Variants in ADAR observed in about 807,000 individuals in gnomAD.
ADAR encodes double-stranded RNA-specific adenosine deaminase.
ADAR carries 41 observed loss-of-function variants against 113.2 expected under a neutral mutation model. The ratio of observed to expected loss-of-function variants is 0.36; its 90% CI spans 0.28 to 0.47. The LOEUF (loss-of-function observed/expected upper bound fraction) is 0.47, where lower values mean the gene tolerates loss of function less well. Ranked by LOEUF, ADAR falls within the 20% of genes least tolerant of loss-of-function variation. ADAR has a pLI of 1.00. For synonymous variants in ADAR, 605 were observed against 572.6 expected (o/e 1.06, Z -0.81); for missense variants, 1,242 against 1,540.9 (o/e 0.81, Z 3.25).
At chr1:154,597,301 A>G (rs1308792300) in intron 4 of ADAR, 34 bp from the exon 5 acceptor site, 2 of 1,613,688 alleles carry the variant, frequency 1.2e-6, no homozygotes, top group South Asian at 1.1e-5. Flanking sequence ...AAGGATTAAA[A>G]TGGTTTTGAC....
chr1:154,584,760 C>T lies in ADAR; in HGVS notation c.*46G>A, dbSNP rs536382133. The stretch of plus-strand genomic sequence containing the variant: ...GAGGAATGCTACGACCTACCTCTCT[C>T]ACACCCTAGTATGACACACCCTAAT... On this transcript the variant is annotated 3_prime_UTR_variant, in exon 15 of 15. Transcript: ENST00000368474. The T allele has an allele frequency of 9.3e-6, 14 of 1,509,228 alleles. No individual in the cohort carries two copies. In the Admixed American group the frequency reaches 2.3e-4, roughly 25 times the overall value. The allele number at this position is 1,509,228 out of a possible 1,614,324, so 93.5% of individuals were successfully genotyped here.
intron 1 of ADAR, among the ~76,000 whole-genome samples, chr1:154,622,162 A>C (rs902064322): frequency 6.6e-6 from 1 of 151,982 alleles, no homozygotes; most frequent in African/African-American, 2.4e-5. Context: ...CTGATTCCCC[A>C]CCTGGCTCTG....
At position 154,601,012 on chromosome 1, in the gene ADAR, C is replaced by T; in HGVS notation, c.1601+29G>A. 6.2e-7 allele frequency: 1 copy of T among 1,613,716 alleles called. No homozygotes were observed. The highest frequency in any genetic ancestry group is 1.1e-5 in the South Asian group (1 of 91,040). ...GGAGCAAAAGCACCTGACCCCAACC[C>T]TAGGTACAGTTCCTGGGTGGTCTCT... On this transcript the variant is annotated intron_variant, in intron 2 of 14. Transcript: ENST00000368474. This position sits in a 1 kb window ranked among gnomAD's most constrained non-coding sequence, Gnocchi z 4.7.
At chr1:154,587,621 G>T (rs1471550700) in intron 11 of ADAR, among the ~76,000 whole-genome samples, 2 of 152,166 alleles carry the variant, frequency 1.3e-5, no homozygotes. Context: ...CAATGGAGTG[G>T]ATGCGAAGAG....
At chr1:154,616,674 G>A (rs183378930) in intron 1 of ADAR, among the ~76,000 whole-genome samples, 4 of 152,176 alleles carry the variant, frequency 2.6e-5, no homozygotes, top group African/African-American at 9.6e-5. Context: ...CTTACTACAA[G>A]TTCCAAGAAG....
At chr1:154,604,630 GT>G (rs1557892276) in intron 1 of ADAR, among the ~76,000 whole-genome samples, 1 of 152,130 alleles carries the variant, frequency 6.6e-6, no homozygotes, top group Non-Finnish European at 1.5e-5. Context: ...TCCTCCCAGG[GT>G]TTGGTGACAC....
At chr1:154,596,398 G>A (rs1288010303) in intron 6 of ADAR, among the ~76,000 whole-genome samples, 3 of 151,932 alleles carry the variant, frequency 2.0e-5, no homozygotes, top group Admixed American at 6.6e-5. Flanking sequence ...CCGCTGCCAC[G>A]CCCAGCTAAT....
At chr1:154,609,467 T>G (rs1698407247), upstream of ADAR, among the ~76,000 whole-genome samples, 1 of 152,212 alleles carries the variant, frequency 6.6e-6, no homozygotes, top group African/African-American at 2.4e-5. Context: ...TGTTAGTCAC[T>G]CCAAATTAAC....
chr1:154,585,992 G>T, intron 12 of ADAR, 127 bp from the exon 13 acceptor site: 1 of 1,177,200 alleles, frequency 8.5e-7, no homozygotes, highest in Non-Finnish European at 1.2e-6. Flanking sequence ...TGCCTTGTTA[G>T]GAAGCACCTT....
chr1:154,607,955 CA>C, intron 1 of ADAR, 36 bp downstream of exon 1: 1 of 1,611,402 alleles, frequency 6.2e-7, no homozygotes. Flanking sequence ...TAAACGAACC[CA>C]GACGGCGGCG....
rs1328585827 is a variant in ADAR at position 154,602,526 on chromosome 1, A to C, written c.116T>G (p.Phe39Cys). The change falls in exon 2 of 15, where the codon TTC becomes TGC. Residue 39 changes from phenylalanine (F) to cysteine (C), a missense_variant. Phe to Cys is a radical substitution (Grantham distance 205, BLOSUM62 -2). Transcript: ENST00000368474. ...GAGAAATTCTATTTGCTTAAGCAGG[A>C]AACTACTGGGGGAAGATCCTGGCCC... ...QPGPGSSPSS[F>C]LLKQIEFLKG... is the part of the protein sequence containing the mutation. 4.3e-6 allele frequency: 7 copies of C among 1,614,210 alleles called. No homozygotes were observed. The East Asian group carries it at 1.6e-4, about 36-fold the overall frequency.
At chr1:154,588,513 G>A (rs759815056) in intron 10 of ADAR, 38 bp downstream of exon 10, 1 of 1,611,498 alleles carries the variant, frequency 6.2e-7, no homozygotes, top group Non-Finnish European at 8.5e-7. Flanking sequence ...TAACAGCCTG[G>A]CAGGGCCCAC....
chr1:154,610,453 A>G (rs1258607057), upstream of ADAR, among the ~76,000 whole-genome samples: 2 of 152,194 alleles, frequency 1.3e-5, no homozygotes, highest in Non-Finnish European at 2.9e-5. Flanking sequence ...TATGTATACT[A>G]TATGATCCCA....
chr1:154,605,259 C>G (rs776420930), intron 1 of ADAR, among the ~76,000 whole-genome samples: 47 of 152,146 alleles, frequency 3.1e-4, no homozygotes, highest in African/African-American at 1.1e-3. Context: ...TGGCACATCT[C>G]CCTCCACAGC....
At chr1:154,591,740 G>A (rs1177937522) in intron 6 of ADAR, among the ~76,000 whole-genome samples, 1 of 152,220 alleles carries the variant, frequency 6.6e-6, no homozygotes, top group African/African-American at 2.4e-5. Flanking sequence ...TAGCAGCTCA[G>A]GCAGTAAAAG....
upstream of ADAR, among the ~76,000 whole-genome samples, chr1:154,609,051 C>T (rs1349207227): frequency 2.0e-5 from 3 of 152,168 alleles, no homozygotes; most frequent in African/African-American, 4.8e-5. Flanking sequence ...TGTATTATCT[C>T]CCTTAATCTT....
chr1:154,606,436 T>C (rs1224349017), intron 1 of ADAR, among the ~76,000 whole-genome samples: 2 of 152,162 alleles, frequency 1.3e-5, no homozygotes, highest in Non-Finnish European at 2.9e-5. Context: ...TGTAGAATAG[T>C]ATGTACATTA....
chr1:154,607,954 C>T (rs533340436), intron 1 of ADAR, 38 bp downstream of exon 1: 3 of 1,611,354 alleles, frequency 1.9e-6, no homozygotes, highest in East Asian at 2.2e-5. Context: ...GTAAACGAAC[C>T]CAGACGGCGG....
At chr1:154,585,163 C>T (rs1302292630) in intron 14 of ADAR, 54 bp downstream of exon 14, 2 of 1,614,040 alleles carry the variant, frequency 1.2e-6, no homozygotes, top group Middle Eastern at 1.6e-4. Flanking sequence ...TATGATGCAC[C>T]CTTGCAAGTC....
Sources: allele counts gnomAD v4.1 joint callset (sites outside exome capture counted in the v4.1 genomes callset), GRCh38; gene constraint gnomAD v4.1.1; non-coding constraint Gnocchi (gnomAD v3.1); transcripts MANE v1.5; gene names NCBI Gene and HGNC (gene_info 2026-07-23, HGNC 2026-07-21).